FLVCR2: variants seen among roughly 807,000 people sequenced by gnomAD.
FLVCR2 encodes choline/ethanolamine transporter FLVCR2.
Under a neutral mutation model 48.9 loss-of-function variants are expected in FLVCR2, and 38 were observed. That is an observed-to-expected ratio of 0.78 (90% CI 0.60 to 1.02). The LOEUF (loss-of-function observed/expected upper bound fraction) is 1.02. Ranked by LOEUF, FLVCR2 falls within the 50% of genes least tolerant of loss-of-function variation. FLVCR2 has a pLI of 0.00. For missense variants in FLVCR2, 664 were observed against 663.3 expected (o/e 1.00, Z -0.01); for synonymous variants, 255 against 257.0 (o/e 0.99, Z 0.07).
At chr14:75,639,080 T>C (rs1192528744) in intron 5 of FLVCR2, among the ~76,000 whole-genome samples, 1 of 152,116 alleles carries the variant, frequency 6.6e-6, no homozygotes. Context: ...CCAGGCGTGA[T>C]GCGCACAACT....
At chr14:75,614,431 G>T (rs1190194015) in intron 1 of FLVCR2, among the ~76,000 whole-genome samples, 1 of 152,198 alleles carries the variant, frequency 6.6e-6, no homozygotes. Flanking sequence ...AAGATTAGAG[G>T]AAGTTAGAGC....
intron 1 of FLVCR2, among the ~76,000 whole-genome samples, chr14:75,603,776 C>T (rs982950932): frequency 6.6e-6 from 1 of 152,162 alleles, no homozygotes; most frequent in African/African-American, 2.4e-5. Flanking sequence ...TGCCCAAAAG[C>T]GATCACTCCA....
intron 1 of FLVCR2, among the ~76,000 whole-genome samples, chr14:75,582,943 T>C (rs116825583): frequency 0.015 from 2,302 of 152,252 alleles, 63 homozygotes; most frequent in African/African-American, 0.052. Context: ...GGAGAGCACA[T>C]TGTTTTCATT....
At chr14:75,616,511 A>G (rs1340228122) in intron 1 of FLVCR2, among the ~76,000 whole-genome samples, 1 of 152,152 alleles carries the variant, frequency 6.6e-6, no homozygotes, top group Admixed American at 6.5e-5. Context: ...TAATTGATAC[A>G]TGGCATTTTA....
At chr14:75,619,810 G>A (rs190656457) in intron 1 of FLVCR2, among the ~76,000 whole-genome samples, 19 of 152,340 alleles carry the variant, frequency 1.2e-4, no homozygotes, top group African/African-American at 4.3e-4. Flanking sequence ...TTAAAAGCCG[G>A]AGTTGGGGTG....
chr14:75,642,696 T>C (rs1260815386), intron 9 of FLVCR2, among the ~76,000 whole-genome samples: 2 of 152,246 alleles, frequency 1.3e-5, no homozygotes, highest in Non-Finnish European at 2.9e-5. Context: ...AATTTCATCA[T>C]TTAGAGATGA....
chr14:75,607,584 C>T (rs1297968312), intron 1 of FLVCR2, among the ~76,000 whole-genome samples: 1 of 152,182 alleles, frequency 6.6e-6, no homozygotes, highest in Non-Finnish European at 1.5e-5. Flanking sequence ...CTTCAAGTTG[C>T]TTCAACTCAG....
At chr14:75,645,938 A>G (rs1197873553) in intron 9 of FLVCR2, among the ~76,000 whole-genome samples, 1 of 135,668 alleles carries the variant, frequency 7.4e-6, no homozygotes, top group African/African-American at 2.6e-5. Flanking sequence ...AAAAAAAAAA[A>G]AGTATTCCTC....
chr14:75,620,295 TC>T (rs760393478), intron 1 of FLVCR2, among the ~76,000 whole-genome samples: 77 of 152,316 alleles, frequency 5.1e-4, no homozygotes, highest in Non-Finnish European at 1.1e-3. Flanking sequence ...AGGCCTCTGT[TC>T]TGCAGAAGCC....
intron 1 of FLVCR2, among the ~76,000 whole-genome samples, chr14:75,608,138 C>T (rs879573735): frequency 1.3e-5 from 2 of 152,182 alleles, no homozygotes; most frequent in Non-Finnish European, 2.9e-5. Flanking sequence ...AGACACACAT[C>T]GTGTCCTGCC....
At chr14:75,621,967 T>C (rs1889778157) in intron 1 of FLVCR2, 112 bp from the exon 2 acceptor site, 1 of 1,102,004 alleles carries the variant, frequency 9.1e-7, no homozygotes, top group Non-Finnish European at 1.4e-6. Context: ...GCATGGGTGT[T>C]AGGAAGGATT....
intron 1 of FLVCR2, among the ~76,000 whole-genome samples, chr14:75,608,772 G>T (rs1225718324): frequency 4.6e-5 from 7 of 152,278 alleles, no homozygotes; most frequent in African/African-American, 1.7e-4. Context: ...TAGGGAGGAA[G>T]GTTCCTCATT....
At position 75,634,879 on chromosome 14, in the gene FLVCR2, C is replaced by A. The variant is rs201575923; in HGVS notation, c.1021-31C>A. ...TCTGTCCTGGGTCTTGTCCCATCGC[C>A]GGGTGATCTTTGGGGTTATGGTTTC... On this transcript the variant is annotated intron_variant, in intron 4 of 9. Transcript: ENST00000238667. 6.7e-7 allele frequency: 1 copy of A among 1,490,078 alleles called. No homozygotes were observed. The highest frequency in any genetic ancestry group is 1.1e-5 in the South Asian group (1 of 87,348). 92.3% of individuals were successfully genotyped at this position (1,490,078 alleles called of 1,614,324 possible).
intron 8 of FLVCR2, 79 bp from the exon 9 acceptor site, chr14:75,641,764 G>A: frequency 3.0e-6 from 4 of 1,321,000 alleles, no homozygotes; most frequent in Non-Finnish European, 2.2e-6. Context: ...GTGACCCTTA[G>A]GAAATGAAGG....
At chr14:75,641,744 T>C (rs1890312145) in intron 8 of FLVCR2, 99 bp from the exon 9 acceptor site, 1 of 1,110,726 alleles carries the variant, frequency 9.0e-7, no homozygotes, top group Non-Finnish European at 1.4e-6. Flanking sequence ...GAAGTAAGTT[T>C]GGGATACCTG....
chr14:75,589,938 G>T (rs1352355361), intron 1 of FLVCR2, among the ~76,000 whole-genome samples: 1 of 152,234 alleles, frequency 6.6e-6, no homozygotes, highest in Admixed American at 6.5e-5. Context: ...GTCCCACGGT[G>T]ACTATCTGGA....
At chr14:75,582,525 G>C (rs952064593) in intron 1 of FLVCR2, among the ~76,000 whole-genome samples, 1 of 152,308 alleles carries the variant, frequency 6.6e-6, no homozygotes, top group South Asian at 2.1e-4. Context: ...AAAAGTATTA[G>C]GGCAGTGGCG....
chr14:75,591,423 G>A (rs1370961766), intron 1 of FLVCR2, among the ~76,000 whole-genome samples: 1 of 152,248 alleles, frequency 6.6e-6, no homozygotes, highest in Non-Finnish European at 1.5e-5. Flanking sequence ...CTAGTGCCAG[G>A]AGGGGGTTCC....
chr14:75,636,183 A>G (rs966041316), intron 5 of FLVCR2, among the ~76,000 whole-genome samples: 2 of 152,146 alleles, frequency 1.3e-5, no homozygotes, highest in Non-Finnish European at 1.5e-5. Context: ...CAAAGTTCCC[A>G]GTGTCTGCAG....
Sources: gnomAD v4.1 joint callset for allele counts (sites outside exome capture counted in the v4.1 genomes callset) on GRCh38, gnomAD v4.1.1 for gene constraint, MANE v1.5 for transcripts, NCBI Gene and HGNC (gene_info 2026-07-23, HGNC 2026-07-21) for gene names.